The following VPS13C variants were observed in gnomAD, a reference collection of about 807,000 sequenced individuals.
The protein encoded by VPS13C is intermembrane lipid transfer protein VPS13C.
In VPS13C, 358 loss-of-function variants were observed where a neutral mutation model predicts 456.8. That is an observed-to-expected ratio of 0.78 (90% confidence interval 0.72 to 0.86). The LOEUF (loss-of-function observed/expected upper bound fraction) is 0.86, where lower values mean the gene tolerates loss of function less well. VPS13C is among the 40% of genes least tolerant of loss of function. The pLI is 0.00. For missense variants in VPS13C, 4,818 were observed against 4,385.4 expected, an observed-to-expected ratio of 1.10 and a Z score of -2.79; for synonymous variants, 1,578 against 1,486.7, an observed-to-expected ratio of 1.06 and a Z score of -1.41.
Position 61,890,003 on chromosome 15 carries a change from G to A in VPS13C, c.9341+162C>T, listed in dbSNP as rs541426134. On this transcript the variant is annotated intron_variant, in intron 67 of 84. Coordinates refer to ENST00000644861, the MANE Select transcript of VPS13C (RefSeq NM_020821.3). ...TCTTAGTCATCTTTCTATCCTCGGG[G>A]CTTTTCAACTAACAGTTCAAAGAAT... Among the ~76,000 whole-genome samples, 7 of 152,204 alleles carry A rather than the reference G, an allele frequency of 4.6e-5. No homozygotes were observed. The South Asian group carries it at 1.5e-3, about 32-fold the overall frequency.
intron 81 of VPS13C, chr15:61,865,161 C>T (rs1894452969): frequency 2.0e-6 from 2 of 984,698 alleles, no homozygotes; most frequent in South Asian, 4.7e-5. Flanking sequence ...TCCAAAAATG[C>T]AACTCGAGGA....
chr15:62,021,364 C>T (rs2047453784), intron 8 of VPS13C, among the ~76,000 whole-genome samples: 1 of 151,908 alleles, frequency 6.6e-6, no homozygotes, highest in Non-Finnish European at 1.5e-5. Flanking sequence ...CTTAACACTT[C>T]AAAATGCTTC....
intron 10 of VPS13C, among the ~76,000 whole-genome samples, chr15:62,013,723 T>C (rs527510065): frequency 3.3e-5 from 5 of 152,032 alleles, no homozygotes; most frequent in Admixed American, 6.6e-5. Context: ...ATTAACTGTA[T>C]CCTGTATCTT....
intron 18 of VPS13C, among the ~76,000 whole-genome samples, chr15:61,988,656 G>A (rs1230696430): frequency 6.6e-6 from 1 of 152,134 alleles, no homozygotes; most frequent in African/African-American, 2.4e-5. Context: ...AAGAACACGA[G>A]AGTTTAAAGA....
At chr15:62,048,600 A>T (rs896520580) in intron 1 of VPS13C, among the ~76,000 whole-genome samples, 2 of 152,008 alleles carry the variant, frequency 1.3e-5, no homozygotes, top group African/African-American at 4.8e-5. Context: ...ATGATTTATA[A>T]TCCTTTGGGT....
rs533514503 is a variant in VPS13C, at chr15:61,991,916, T to C, written c.1354-114A>G. 57 of 1,133,018 alleles carry C rather than the reference T, an allele frequency of 5.0e-5. No individual in the cohort carries two copies. In the South Asian group the frequency reaches 8.1e-4, roughly 16 times the overall value. 70.2% of individuals were successfully genotyped at this position (1,133,018 alleles called of 1,614,324 possible). A position where few individuals can be genotyped will look rare whatever the true frequency, so the allele number is the denominator to read the frequency against. ...TTTTTTTTTTTAACGCTACGTAACA[T>C]TGCACCAGTCAAGATCTTAAATGAT... On this transcript the variant is annotated intron_variant, in intron 16 of 84. Coordinates refer to ENST00000644861, the MANE Select transcript of VPS13C (RefSeq NM_020821.3).
At chr15:61,883,624 G>A (rs1896043288) in intron 68 of VPS13C, among the ~76,000 whole-genome samples, 1 of 152,040 alleles carries the variant, frequency 6.6e-6, no homozygotes, top group Non-Finnish European at 1.5e-5. Flanking sequence ...TAGGTGGAGT[G>A]CATCTTTATT....
intron 63 of VPS13C, among the ~76,000 whole-genome samples, chr15:61,911,063 G>A (rs2043288911): frequency 6.6e-6 from 1 of 152,022 alleles, no homozygotes; most frequent in South Asian, 2.1e-4. Flanking sequence ...TGAGTCTTTT[G>A]CCAAATATTT....
At chr15:61,943,944 A>C (rs1338583086) in intron 45 of VPS13C, among the ~76,000 whole-genome samples, 1 of 151,968 alleles carries the variant, frequency 6.6e-6, no homozygotes, top group Non-Finnish European at 1.5e-5. Context: ...CAAGTGAACA[A>C]GCAAAAAACA....
At position 61,858,069 on chromosome 15, in the gene VPS13C, A is replaced by G. The variant is rs1461147926; in HGVS notation, c.10953-1660T>C. Among the ~76,000 whole-genome samples, 1 of 152,126 alleles carries G rather than the reference A, an allele frequency of 6.6e-6. No homozygotes were observed. The highest frequency in any genetic ancestry group is 2.4e-5 in the African/African-American group (1 of 41,418). On this transcript the variant is annotated intron_variant, in intron 82 of 84. Transcript: ENST00000644861. The surrounding 1 kb of genome is among the most constrained non-coding windows in gnomAD (Gnocchi z 4.4). ...CCCACACTCCCGGCCCCAGTCGATAATCAGCTGACAGAGCTAAGGATGGCT... is the reference window on the plus strand; with the variant it reads ...CCCACACTCCCGGCCCCAGTCGATAGTCAGCTGACAGAGCTAAGGATGGCT...
At chr15:61,917,028 G>A (rs2043493328) in intron 60 of VPS13C, among the ~76,000 whole-genome samples, 1 of 152,072 alleles carries the variant, frequency 6.6e-6, no homozygotes. Context: ...CCACTTCCTA[G>A]CTATGGGACC....
rs7167511 is a variant in VPS13C at position 61,948,588 on chromosome 15, C to G, written c.4759+855G>C. Among the ~76,000 whole-genome samples, 898 of 151,556 alleles carry G rather than the reference C, an allele frequency of 5.9e-3. 7 individuals carry two copies. The highest frequency in any genetic ancestry group is 0.021 in the African/African-American group (854 of 41,292). ...ATCCCAGCTACTTGGGAGGCTGAGG[C>G]AAGAAAATTGCTTGAACCTGGGAAG... is the stretch of plus-strand genomic sequence containing the variant. On this transcript the variant is annotated intron_variant, in intron 42 of 84. Transcript: ENST00000644861.
chr15:61,881,472 T>C, intron 71 of VPS13C, 91 bp downstream of exon 71: 2 of 1,321,552 alleles, frequency 1.5e-6, no homozygotes, highest in African/African-American at 3.0e-5. Context: ...ACTTTTTACA[T>C]GAAAGTCACT....
At position 61,982,545 on chromosome 15, in the gene VPS13C, A is replaced by C. The variant is rs369174443; in HGVS notation, c.1943T>G (p.Phe648Cys). 3.1e-6 allele frequency: 5 copies of C among 1,608,974 alleles called. No individual in the cohort carries two copies. The South Asian group carries it at 5.6e-5, about 18-fold the overall frequency. ...AAGATCCAATCCCTTATTTGATTGAAAGAATTCAACCACTGCATTGACAGT... is the reference window on the plus strand; with the variant it reads ...AAGATCCAATCCCTTATTTGATTGACAGAATTCAACCACTGCATTGACAGT... Reference protein sequence around the residue: ...AKTVNAVVEFFQSNKGLDLEQ... With the variant: ...AKTVNAVVEFCQSNKGLDLEQ... Residue 648 changes from phenylalanine (F) to cysteine (C), a missense_variant, in exon 21 of 85, where the codon TTT (phenylalanine) becomes TGT (cysteine). By Grantham distance (205) the Phe-to-Cys change is radical (BLOSUM62 -2). This residue lies in a region of VPS13C where 4,552 missense variants were observed against 4,130.6 expected (regional missense o/e 1.10). Coordinates refer to ENST00000644861, the MANE Select transcript of VPS13C (RefSeq NM_020821.3).
At chr15:61,952,313 G>A (rs990166444) in intron 38 of VPS13C, among the ~76,000 whole-genome samples, 10 of 152,118 alleles carry the variant, frequency 6.6e-5, no homozygotes, top group Admixed American at 3.3e-4. Context: ...AGCATCCCTG[G>A]CCTCTACCTA....
intron 66 of VPS13C, among the ~76,000 whole-genome samples, chr15:61,903,804 T>TA (rs2043074440): frequency 6.6e-6 from 1 of 151,886 alleles, no homozygotes; most frequent in African/African-American, 2.4e-5. Context: ...TGGAACAAAA[T>TA]AGAGAACCCG....
chr15:61,876,883 TA>T, intron 75 of VPS13C, 89 bp downstream of exon 75: 1 of 890,972 alleles, frequency 1.1e-6, no homozygotes, highest in Non-Finnish European at 1.6e-6. Flanking sequence ...ATAAATTAGA[TA>T]AACATTACTG....
chr15:62,059,443 C>T (rs956436538), intron 1 of VPS13C, among the ~76,000 whole-genome samples: 5 of 152,094 alleles, frequency 3.3e-5, no homozygotes, highest in African/African-American at 1.2e-4. Context: ...AAGCTTAACA[C>T]GTAATTCATG....
intron 24 of VPS13C, among the ~76,000 whole-genome samples, chr15:61,975,352 A>T (rs1452683970): frequency 6.6e-6 from 1 of 152,120 alleles, no homozygotes; most frequent in Non-Finnish European, 1.5e-5. Flanking sequence ...CTCCCAGAAG[A>T]TCAACAAAAT....
Sources: gnomAD v4.1 joint callset for allele counts (sites outside exome capture counted in the v4.1 genomes callset) on GRCh38, gnomAD v4.1.1 for gene constraint, gnomAD v4.1.1 regional missense constraint, Gnocchi (gnomAD v3.1) non-coding constraint, MANE v1.5 for transcripts, NCBI Gene and HGNC (gene_info 2026-07-23, HGNC 2026-07-21) for gene names.